ERMAP: variants seen among roughly 807,000 people sequenced by gnomAD.
ERMAP encodes the protein erythroblast membrane associated protein (Scianna blood group).
A neutral mutation model predicts 49.5 loss-of-function variants in ERMAP; 34 were observed. That is an observed-to-expected ratio of 0.69 (90% CI 0.52 to 0.91). The LOEUF (loss-of-function observed/expected upper bound fraction) is 0.91. ERMAP is among the 40% of genes least tolerant of loss of function. The pLI is 0.00. For missense variants in ERMAP, 541 were observed against 582.6 expected (o/e 0.93, Z 0.74); for synonymous variants, 214 against 232.2 (o/e 0.92, Z 0.71).
In ERMAP at chr1:42,840,188, A is replaced by C. The variant is rs1655015612; in HGVS notation, c.685+10A>C. On this transcript the variant is annotated intron_variant, in intron 10 of 11. Coordinates refer to ENST00000372517, the MANE Select transcript of ERMAP (RefSeq NM_001017922.2). ...GCTGCAGCAAACTCAGGTGAGATGC[A>C]CTTTCTCCACATTTGACCACCACCC... 1 of 1,614,112 alleles carries C rather than the reference A, an allele frequency of 6.2e-7. No homozygotes were observed. The highest frequency in any genetic ancestry group is 2.2e-5 in the East Asian group (1 of 44,878).
Position 42,825,751 on chromosome 1 carries a change from C to T in ERMAP, c.-6+13C>T, listed in dbSNP as rs758259147. On this transcript the variant is annotated intron_variant, in intron 2 of 11. Transcript: ENST00000372517. ...GATCCAGAAGGTGGTGAGTCCTCCT[C>T]TCTCTCTTCATGCTTTTTAGTCCTT... 7.8e-7 allele frequency: 1 copy of T among 1,289,216 alleles called. No individual in the cohort carries two copies. The highest frequency in any genetic ancestry group is 1.0e-6 in the Non-Finnish European group (1 of 988,736). 79.9% of individuals were successfully genotyped at this position (1,289,216 alleles called of 1,614,324 possible).
At chr1:42,832,179 A>ATTTTTTTTTTTT (rs75673269) in intron 4 of ERMAP, among the ~76,000 whole-genome samples, 2 of 96,710 alleles carry the variant, frequency 2.1e-5, no homozygotes, top group African/African-American at 9.6e-5. Flanking sequence ...GTGAAAATTA[A>ATTTTTTTTTTTT]TTTTTTTTTT....
chr1:42,835,313 C>A, intron 5 of ERMAP, 159 bp downstream of exon 5: 1 of 618,916 alleles, frequency 1.6e-6, no homozygotes, highest in Non-Finnish European at 2.9e-6. Context: ...GCCCTGGGGA[C>A]ACACATTGCA....
At position 42,831,106 on chromosome 1, in the gene ERMAP, C is replaced by T. The variant is rs1654718217; in HGVS notation, c.424C>T (p.Gln142Ter). Residue 142 changes from glutamine (Q) to a stop codon, truncating the protein, a stop_gained, in exon 4 of 12, where the codon CAG (glutamine) becomes TAG (stop). Transcript: ENST00000372517. LOFTEE classifies it high-confidence loss of function. ...NLSKEDTVIL[Q>*]VAAPSVGSLS... ...GAGTAAAGAGGACACCGTGATCCTG[C>T]AGGTTGCAGGTTAGAATGGGTTTGA... is the stretch of plus-strand genomic sequence containing the variant. 1.2e-6 allele frequency: 2 copies of T among 1,613,884 alleles called. No homozygotes were observed. The highest frequency in any genetic ancestry group is 1.7e-6 in the Non-Finnish European group (2 of 1,179,824).
chr1:42,837,672 G>A (rs1654941072), intron 7 of ERMAP: 1 of 152,230 alleles, frequency 6.6e-6, no homozygotes, highest in African/African-American at 2.4e-5. Flanking sequence ...CCCCTTACCT[G>A]ATTGTTTTCA....
In ERMAP at chr1:42,844,980, T is replaced by C. The variant is rs1245524567; in HGVS notation, c.*1748T>C. On this transcript the variant is annotated 3_prime_UTR_variant, in exon 12 of 12. Transcript: ENST00000372517. The surrounding 1 kb of genome is among the most constrained non-coding windows in gnomAD (Gnocchi z 4.0). ...ACAGTTTTAAAATAAAAGTTTGGTA[T>C]TTGTGTTTTGGTATGCTGTTATTTT... The C allele has an allele frequency of 6.6e-6, 1 of 152,168 alleles. No homozygotes were observed. Among genetic ancestry groups the C allele is most frequent in the African/African-American group, 2.4e-5 (1 of 41,434 alleles). The allele number at this position is 152,168 out of a possible 1,614,324, so 9.4% of individuals were successfully genotyped here.
Position 42,830,975 on chromosome 1 carries a change from C to T in ERMAP, c.293C>T (p.Thr98Met), listed in dbSNP as rs768412880. The T allele has an allele frequency of 1.5e-5, 24 of 1,614,030 alleles. No homozygotes were observed. The highest frequency in any genetic ancestry group is 1.0e-4 in the Admixed American group (6 of 59,996). Residue 98 changes from threonine (T) to methionine (M), a missense_variant, in exon 4 of 12, where the codon ACG (threonine) becomes ATG (methionine). Transcript: ENST00000372517. ...CTGATGCCGGAATATAAGGGGAGGACGGTGCTAGTGAGAGATGCCCAAGAG... is the reference window on the plus strand; with the variant it reads ...CTGATGCCGGAATATAAGGGGAGGATGGTGCTAGTGAGAGATGCCCAAGAG... ...EDLMPEYKGRTVLVRDAQEGS... is the reference protein window; with the variant it reads ...EDLMPEYKGRMVLVRDAQEGS...
At position 42,843,330 on chromosome 1, in the gene ERMAP, T is replaced by A; in HGVS notation, c.*98T>A. On this transcript the variant is annotated 3_prime_UTR_variant, in exon 12 of 12. Transcript: ENST00000372517. The stretch of plus-strand genomic sequence containing the variant: ...CATGATTATGGAACGTCTCTTCACC[T>A]TAACCCAAATCCAGACCCTTTTGTG... 1 of 838,558 alleles carries A rather than the reference T, an allele frequency of 1.2e-6. No homozygotes were observed. Among genetic ancestry groups the A allele is most frequent in the Non-Finnish European group, 1.8e-6 (1 of 553,480 alleles). 51.9% of individuals were successfully genotyped at this position (838,558 alleles called of 1,614,324 possible).
At chr1:42,832,105 G>C (rs1355806403) in intron 4 of ERMAP, among the ~76,000 whole-genome samples, 1 of 150,658 alleles carries the variant, frequency 6.6e-6, no homozygotes, top group South Asian at 2.1e-4. Context: ...AAGTGGGGAT[G>C]AATCAATTAC....
At chr1:42,835,306 C>T in intron 5 of ERMAP, 152 bp downstream of exon 5, 1 of 633,114 alleles carries the variant, frequency 1.6e-6, no homozygotes, top group Non-Finnish European at 2.9e-6. Context: ...GAGCCATGCC[C>T]TGGGGACACA....
At chr1:42,839,033 C>A in intron 8 of ERMAP, 112 bp downstream of exon 8, 1 of 1,561,810 alleles carries the variant, frequency 6.4e-7, no homozygotes, top group Non-Finnish European at 8.8e-7. Context: ...ACTGGTAATT[C>A]AAGCCATGGG....
intron 5 of ERMAP, 46 bp from the exon 6 acceptor site, chr1:42,835,685 GA>G: frequency 6.2e-7 from 1 of 1,609,672 alleles, no homozygotes; most frequent in Non-Finnish European, 8.5e-7. Context: ...GTGCCTGTTA[GA>G]AAAAGCCCTT....
chr1:42,817,161 C>G lies in ERMAP; in HGVS notation c.-214C>G, dbSNP rs906701563. The G allele has an allele frequency of 2.5e-6, 3 of 1,204,382 alleles. No individual in the cohort carries two copies. Among genetic ancestry groups the G allele is most frequent in the Admixed American group, 2.9e-5 (1 of 34,934 alleles). 74.6% of individuals were successfully genotyped at this position (1,204,382 alleles called of 1,614,324 possible). ...GGAGGAAAATGGCGGTCGCTGGAGCCGCCGACCAAGAGGCTTGGGAGTCTG... is the reference window on the plus strand; with the variant it reads ...GGAGGAAAATGGCGGTCGCTGGAGCGGCCGACCAAGAGGCTTGGGAGTCTG... On this transcript the variant is annotated 5_prime_UTR_variant, in exon 1 of 12. Coordinates refer to ENST00000372517, the MANE Select transcript of ERMAP (RefSeq NM_001017922.2).
intron 1 of ERMAP, among the ~76,000 whole-genome samples, chr1:42,823,063 G>C (rs902031617): frequency 1.3e-5 from 2 of 152,204 alleles, no homozygotes; most frequent in Non-Finnish European, 2.9e-5. Flanking sequence ...TGTGGTTGAA[G>C]TGTATGCAAT....
chr1:42,844,124 G>A lies in ERMAP; in HGVS notation c.*892G>A, dbSNP rs1208423489. ...AAAAGTGGCAGTTTTAACCACCAAC[G>A]TAGAAGCTTTTTTTTCCCCACAAGA... On this transcript the variant is annotated 3_prime_UTR_variant, in exon 12 of 12. Coordinates refer to ENST00000372517, the MANE Select transcript of ERMAP (RefSeq NM_001017922.2). The surrounding 1 kb of genome is among the most constrained non-coding windows in gnomAD (Gnocchi z 4.0). The A allele has an allele frequency of 5.0e-6, 2 of 398,502 alleles. No homozygotes were observed. Among genetic ancestry groups the A allele is most frequent in the Non-Finnish European group, 8.8e-6 (2 of 226,078 alleles). 24.7% of individuals were successfully genotyped at this position (398,502 alleles called of 1,614,324 possible). A position where few individuals can be genotyped will look rare whatever the true frequency, so the allele number is the denominator to read the frequency against.
In ERMAP at chr1:42,843,149, G is replaced by T. The variant is rs1557615928; in HGVS notation, c.1345G>T (p.Ala449Ser). 2.5e-6 allele frequency: 4 copies of T among 1,614,110 alleles called. No homozygotes were observed. The highest frequency in any genetic ancestry group is 3.3e-5 in the Admixed American group (2 of 60,020). The stretch of plus-strand genomic sequence containing the variant: ...GAACTCTTCTTTACTACCCCCGAAG[G>T]CCCCAGAGCTGAAGGATATAATCCT... ...KVNSSLLPPKAPELKDIILSL... is the reference protein window; with the variant it reads ...KVNSSLLPPKSPELKDIILSL... Residue 449 changes from alanine (A) to serine (S), a missense_variant, in exon 12 of 12, where the codon GCC becomes TCC. By Grantham distance (99) the Ala-to-Ser change is moderately conservative (BLOSUM62 1). Coordinates refer to ENST00000372517, the MANE Select transcript of ERMAP (RefSeq NM_001017922.2).
At chr1:42,831,486 C>G (rs1319825066) in intron 4 of ERMAP, among the ~76,000 whole-genome samples, 1 of 149,396 alleles carries the variant, frequency 6.7e-6, no homozygotes, top group Non-Finnish European at 1.5e-5. Context: ...CCTGCTGTGA[C>G]AGGATTTACT....
Position 42,843,560 on chromosome 1 carries a change from A to G in ERMAP, c.*328A>G, listed in dbSNP as rs35728345. On this transcript the variant is annotated 3_prime_UTR_variant, in exon 12 of 12. Transcript: ENST00000372517. ...TTCGCTACTCCAGGGGTTATTTAGA[A>G]GACACTTTCTCTGCCTCATCCTGCC... 1,050 of 217,586 alleles carry G rather than the reference A, an allele frequency of 4.8e-3. 8 individuals are homozygous for G. Among genetic ancestry groups the G allele is most frequent in the Non-Finnish European group, 8.0e-3 (896 of 111,972 alleles). 13.5% of individuals were successfully genotyped at this position (217,586 alleles called of 1,614,324 possible).
Position 42,827,333 on chromosome 1 carries a change from T to C in ERMAP, c.-6+1595T>C, listed in dbSNP as rs149049289. Among the ~76,000 whole-genome samples the C allele has an allele frequency of 2.6e-3, 393 of 152,080 alleles. 3 individuals are homozygous for C. The highest frequency in any genetic ancestry group is 8.8e-3 in the African/African-American group (367 of 41,486). On this transcript the variant is annotated intron_variant, in intron 2 of 11. Transcript: ENST00000372517. ...CACAGGCACATACCACCACAGCCAG[T>C]TGATTTATTTTTATATTTTTTTGTA...
Sources: allele counts gnomAD v4.1 joint callset (sites outside exome capture counted in the v4.1 genomes callset), GRCh38; gene constraint gnomAD v4.1.1; non-coding constraint Gnocchi (gnomAD v3.1); transcripts MANE v1.5; gene names NCBI Gene and HGNC (gene_info 2026-07-23, HGNC 2026-07-21).